RNF115: variants seen among roughly 807,000 people sequenced by gnomAD.
RNF115 encodes ring finger protein 115.
In RNF115, 31 loss-of-function variants were observed where a neutral mutation model predicts 39.2. The ratio of observed to expected loss-of-function variants is 0.79; its 90% CI spans 0.59 to 1.07. The LOEUF (loss-of-function observed/expected upper bound fraction) is 1.07. Among genes scored for constraint, RNF115 ranks in the 50% least tolerant of loss-of-function variants. The probability of loss-of-function intolerance (pLI) is 0.00; values close to 1 mark genes in which losing one functional copy is unlikely to be tolerated. For synonymous variants in RNF115, 124 were observed against 131.0 expected (o/e 0.95, Z 0.37); for missense variants, 384 against 381.7 (o/e 1.01, Z -0.05).
chr1:145,823,791 T>A lies in RNF115; in HGVS notation c.83A>T (p.Glu28Val), dbSNP rs1384114940. ...TCTTACCGGTAGTTTGGGGCTGACC[T>A]CGCCCTTGCAAAAGTGGCAGAAAAA... ...HRFFCHFCKG[E>V]VSPKLPEYIC... Residue 28 changes from glutamate to valine, a missense_variant, in exon 1 of 9, where the codon GAG becomes GTG. By Grantham distance (121) the Glu-to-Val change is moderately radical (BLOSUM62 -2). Coordinates refer to ENST00000582693, the MANE Select transcript of RNF115 (RefSeq NM_014455.4). 1 of 1,582,078 alleles carries A rather than the reference T, an allele frequency of 6.3e-7. No homozygotes were observed. Among genetic ancestry groups the A allele is most frequent in the African/African-American group, 1.4e-5 (1 of 71,646 alleles).
chr1:145,822,069 G>A (rs1553724443), intron 1 of RNF115, among the ~76,000 whole-genome samples: 2 of 152,102 alleles, frequency 1.3e-5, no homozygotes, highest in African/African-American at 4.8e-5. Context: ...GCTCACGCCT[G>A]TAATCCCAGC....
At chr1:145,768,940 G>C (rs1553715376) in intron 4 of RNF115, among the ~76,000 whole-genome samples, 2 of 152,222 alleles carry the variant, frequency 1.3e-5, no homozygotes, top group Admixed American at 6.5e-5. Flanking sequence ...TTCTATGAAA[G>C]AAAAGAGAAA....
Position 145,756,873 on chromosome 1 carries a change from C to G in RNF115, c.429-3824G>C, listed in dbSNP as rs1411632380. Among the ~76,000 whole-genome samples the G allele has an allele frequency of 5.3e-5, 7 of 131,824 alleles. No homozygotes were observed. The Admixed American group carries it at 6.0e-4, about 11-fold the overall frequency. The allele number at this position is 131,824 out of a possible 152,430, so 86.5% of individuals were successfully genotyped here. A position where few individuals can be genotyped will look rare whatever the true frequency, so the allele number is the denominator to read the frequency against. ...TTTTTTTTTGAGGCAGAGTCTCACT[C>G]TCGCCCAGGCCAGAGTGCAGTGGTG... On this transcript the variant is annotated intron_variant, in intron 4 of 8. Transcript: ENST00000582693.
At chr1:145,753,614 C>T (rs1021225282) in intron 4 of RNF115, among the ~76,000 whole-genome samples, 8 of 152,202 alleles carry the variant, frequency 5.3e-5, no homozygotes, top group South Asian at 4.1e-4. Context: ...GTTCTTTACA[C>T]GAATGAGTCT....
At chr1:145,766,626 G>T (rs1553714892) in intron 4 of RNF115, among the ~76,000 whole-genome samples, 2 of 148,802 alleles carry the variant, frequency 1.3e-5, no homozygotes, top group South Asian at 2.1e-4. Flanking sequence ...GCGGGGGGCT[G>T]ACCCCCCCAC....
chr1:145,808,600 T>C, intron 1 of RNF115, among the ~76,000 whole-genome samples: 1 of 152,204 alleles, frequency 6.6e-6, no homozygotes, highest in Non-Finnish European at 1.5e-5. Flanking sequence ...GCAGTGAAAA[T>C]TAATTTGCTG....
intron 1 of RNF115, 83 bp from the exon 2 acceptor site, chr1:145,789,049 T>A: frequency 2.4e-6 from 2 of 844,462 alleles, no homozygotes; most frequent in Non-Finnish European, 3.9e-6. Context: ...ACATGCAGTA[T>A]ACAAGCTGAG....
chr1:145,748,144 AG>A, intron 7 of RNF115, 34 bp from the exon 8 acceptor site: 2 of 1,484,820 alleles, frequency 1.3e-6, no homozygotes, highest in Non-Finnish European at 1.9e-6. Context: ...TAAAGTAAAC[AG>A]GCAAAAGGAA....
chr1:145,799,532 C>T (rs1444666606), intron 1 of RNF115, among the ~76,000 whole-genome samples: 1 of 147,154 alleles, frequency 6.8e-6, no homozygotes, highest in African/African-American at 2.5e-5. Flanking sequence ...TTGCCATGTT[C>T]CTGATGTTAG....
rs1649252118 is a variant in RNF115, at chr1:145,801,734, GT to G, written c.103-12769del. Among the ~76,000 whole-genome samples the G allele has an allele frequency of 2.0e-5, 3 of 152,066 alleles. No homozygotes were observed. The East Asian group carries it at 5.8e-4, about 29-fold the overall frequency. On this transcript the variant is annotated intron_variant, in intron 1 of 8. Transcript: ENST00000582693. The stretch of plus-strand genomic sequence containing the variant: ...TGCAGTCACAAAATCTTACCCCTCA[GT>G]AACTCATTTCTCTCTTTTTCAGTAA...
intron 1 of RNF115, among the ~76,000 whole-genome samples, chr1:145,820,760 T>C (rs1470621455): frequency 6.6e-6 from 1 of 151,538 alleles, no homozygotes. Flanking sequence ...GAATATACTG[T>C]ATATTTGAAA....
chr1:145,746,867 C>G lies in RNF115; in HGVS notation c.914G>C (p.Ter305SerextTer2). ...CTGATTCAGGTGTGGTCTTTAGCTT[C>G]AGAAAGTCCATCGGTCATGTAGCTG... ...DSQLHDRWTF* is the reference protein window; with the variant it reads ...DSQLHDRWTFS The change falls in exon 9 of 9, where the codon TGA (stop) becomes TCA (serine). Residue 305 changes from the stop codon to serine (S), a stop_lost. Coordinates refer to ENST00000582693, the MANE Select transcript of RNF115 (RefSeq NM_014455.4). 1 of 1,613,900 alleles carries G rather than the reference C, an allele frequency of 6.2e-7. No individual in the cohort carries two copies.
chr1:145,761,304 AT>A (rs1360784743), intron 4 of RNF115, among the ~76,000 whole-genome samples: 1 of 152,184 alleles, frequency 6.6e-6, no homozygotes, highest in East Asian at 1.9e-4. Flanking sequence ...CACAGGCAAA[AT>A]GTCTCCAGGC....
chr1:145,803,282 C>T (rs782799468), intron 1 of RNF115, among the ~76,000 whole-genome samples: 1 of 152,188 alleles, frequency 6.6e-6, no homozygotes, highest in Non-Finnish European at 1.5e-5. Context: ...GATACCTATA[C>T]AATTTAAATA....
chr1:145,756,831 CTTTTTTTTTT>C (rs142073195), intron 4 of RNF115, among the ~76,000 whole-genome samples: 3 of 67,830 alleles, frequency 4.4e-5, no homozygotes, highest in African/African-American at 1.3e-4. Flanking sequence ...TTTCTAGCTT[CTTTTTTTTTT>C]TTTTTTTTTT....
intron 3 of RNF115, among the ~76,000 whole-genome samples, chr1:145,783,370 T>C (rs2101557174): frequency 6.6e-6 from 1 of 152,252 alleles, no homozygotes; most frequent in South Asian, 2.1e-4. Context: ...CAGACAATGT[T>C]GATAAATCTA....
At chr1:145,766,624 C>T (rs1571726714) in intron 4 of RNF115, among the ~76,000 whole-genome samples, 1 of 146,828 alleles carries the variant, frequency 6.8e-6, no homozygotes, top group African/African-American at 2.5e-5. Flanking sequence ...GGGCGGGGGG[C>T]TGACCCCCCC....
In RNF115 at chr1:145,743,569, C is replaced by A. The variant is rs1337302588; in HGVS notation, c.*3297G>T. ...CCACGACTGGCAGATCACCTGAGGT[C>A]TAGAGTTCAAGACCAGCCTGGCCAA... On this transcript the variant is annotated 3_prime_UTR_variant, in exon 9 of 9. Transcript: ENST00000582693. The A allele has an allele frequency of 2.0e-5, 3 of 152,152 alleles. No homozygotes were observed. Among genetic ancestry groups the A allele is most frequent in the Non-Finnish European group, 2.9e-5 (2 of 68,046 alleles). The allele number at this position is 152,152 out of a possible 1,614,324, so 9.4% of individuals were successfully genotyped here. A position where few individuals can be genotyped will look rare whatever the true frequency, so the allele number is the denominator to read the frequency against.
chr1:145,769,741 G>A (rs1553715467), intron 4 of RNF115, among the ~76,000 whole-genome samples: 1 of 102,370 alleles, frequency 9.8e-6, no homozygotes, highest in Non-Finnish European at 1.9e-5. Context: ...ATCCTCTTTT[G>A]AATAAATGTA....
Sources: gnomAD v4.1 joint callset for allele counts (sites outside exome capture counted in the v4.1 genomes callset) on GRCh38, gnomAD v4.1.1 for gene constraint, MANE v1.5 for transcripts, NCBI Gene and HGNC (gene_info 2026-07-23, HGNC 2026-07-21) for gene names.